MDN1: variants seen among roughly 807,000 people sequenced by gnomAD.
MDN1 encodes the protein midasin AAA ATPase 1.
In MDN1, 266 loss-of-function variants were observed where a neutral mutation model predicts 669.2. The ratio of observed to expected loss-of-function variants is 0.40; its 90% CI spans 0.36 to 0.44. The LOEUF (loss-of-function observed/expected upper bound fraction) is 0.44. MDN1 is among the 20% of genes least tolerant of loss of function. The probability of loss-of-function intolerance (pLI) is 1.00; values close to 1 mark genes in which losing one functional copy is unlikely to be tolerated. For synonymous variants in MDN1, 2,385 were observed against 2,457.1 expected, an observed-to-expected ratio of 0.97 and a Z score of 0.87; for missense variants, 5,940 against 6,754.0, an observed-to-expected ratio of 0.88 and a Z score of 4.22.
intron 11 of MDN1, among the ~76,000 whole-genome samples, chr6:89,778,801 G>A (rs1818479066): frequency 6.6e-6 from 1 of 151,736 alleles, no homozygotes; most frequent in African/African-American, 2.4e-5. Context: ...CAGGAGAATG[G>A]TGGGAACCTG....
At position 89,714,544 on chromosome 6, in the gene MDN1, T is replaced by C; in HGVS notation, c.7068A>G (p.Val2356=). 1.2e-6 allele frequency: 2 copies of C among 1,600,032 alleles called. No individual in the cohort carries two copies. Among genetic ancestry groups the C allele is most frequent in the Non-Finnish European group, 1.7e-6 (2 of 1,172,968 alleles). ...ALHTETRSTV[V]GSPTSSVSTL... is the part of the protein sequence containing the mutation. Reference sequence around the variant, plus strand: ...AGGCCCAAAAGTCAAGCACCTCACCTACAACAGTGCTCCGGGTCTCTGTGT... The same window carrying C: ...AGGCCCAAAAGTCAAGCACCTCACCCACAACAGTGCTCCGGGTCTCTGTGT... The change falls in exon 46 of 102, where the codon GTA becomes GTG. Residue 2356 remains valine (V), a splice_region_variant and synonymous_variant. Coordinates refer to ENST00000369393, the MANE Select transcript of MDN1 (RefSeq NM_014611.3).
intron 14 of MDN1, 52 bp from the exon 15 acceptor site, chr6:89,771,673 A>C: frequency 6.9e-7 from 1 of 1,444,040 alleles, no homozygotes; most frequent in Non-Finnish European, 9.7e-7. Context: ...AAGACCGATA[A>C]TATCCAGTGT....
At position 89,718,355 on chromosome 6, in the gene MDN1, A is replaced by G; in HGVS notation, c.6583+11T>C. The G allele has an allele frequency of 6.2e-7, 1 of 1,611,380 alleles. No individual in the cohort carries two copies. Among genetic ancestry groups the G allele is most frequent in the Non-Finnish European group, 8.5e-7 (1 of 1,178,870 alleles). On this transcript the variant is annotated intron_variant, in intron 43 of 101. Transcript: ENST00000369393. ...GGTAAGTTCCTGATACAGAGATCCA[A>G]ATATACATACCTGCCTTGCAGTATG...
chr6:89,706,408 T>G (rs2128310908), intron 52 of MDN1, among the ~76,000 whole-genome samples: 1 of 152,350 alleles, frequency 6.6e-6, no homozygotes, highest in South Asian at 2.1e-4. Flanking sequence ...TTTTCAATTT[T>G]TTTTTTTTGA....
rs1310657167 is a variant in MDN1, at chr6:89,701,919, A to T, written c.8291T>A (p.Met2764Lys). 1 of 1,612,368 alleles carries T rather than the reference A, an allele frequency of 6.2e-7. No individual in the cohort carries two copies. The highest frequency in any genetic ancestry group is 1.1e-5 in the South Asian group (1 of 90,714). Residue 2764 changes from methionine (M) to lysine (K), a missense_variant, in exon 54 of 102, where the codon ATG becomes AAG. This residue lies in a region of MDN1 where 2,292 missense variants were observed against 2,638.3 expected (regional missense o/e 0.87). Coordinates refer to ENST00000369393, the MANE Select transcript of MDN1 (RefSeq NM_014611.3). ...HLVHQIPRLL[M>K]NYEDKYYKEV... is the part of the protein sequence containing the mutation. ...TGAATCTTACTTGTCTTCATAATTC[A>T]TCAGAAGTCGGGGGATCTGGTGGAC...
At chr6:89,743,880 C>T (rs914647930) in intron 29 of MDN1, among the ~76,000 whole-genome samples, 166 bp from the exon 30 acceptor site, 2 of 152,078 alleles carry the variant, frequency 1.3e-5, no homozygotes, top group Non-Finnish European at 1.5e-5. Flanking sequence ...CCCCTCTACA[C>T]GACTGCACTC....
intron 15 of MDN1, among the ~76,000 whole-genome samples, chr6:89,764,618 C>T (rs1339265758): frequency 6.6e-6 from 1 of 152,124 alleles, no homozygotes; most frequent in South Asian, 2.1e-4. Flanking sequence ...TTGAGTATCA[C>T]AGTCAGGAAA....
chr6:89,735,261 A>C (rs1815885908), intron 33 of MDN1, among the ~76,000 whole-genome samples: 1 of 152,102 alleles, frequency 6.6e-6, no homozygotes, highest in Non-Finnish European at 1.5e-5. Flanking sequence ...TACATTAACC[A>C]ATGTAATACA....
rs1315761498 is a variant in MDN1 at position 89,674,290 on chromosome 6, G to A, written c.13061C>T (p.Ser4354Phe). 6.2e-7 allele frequency: 1 copy of A among 1,614,252 alleles called. No homozygotes were observed. The highest frequency in any genetic ancestry group is 8.5e-7 in the Non-Finnish European group (1 of 1,180,044). ...TATTGGAGATGGGTAGCTCAGATTG[G>A]AAGGAATTAGGTCCAGCACTACTCC... ...LCGVVLDLIP[S>F]NLSYPSPIPG... Residue 4354 changes from serine (S) to phenylalanine (F), a missense_variant, in exon 79 of 102, where the codon TCC becomes TTC. By Grantham distance (155) the Ser-to-Phe change is radical. Coordinates refer to ENST00000369393, the MANE Select transcript of MDN1 (RefSeq NM_014611.3).
In MDN1 at chr6:89,683,259, C is replaced by T. The variant is rs373994838; in HGVS notation, c.11975G>A (p.Ser3992Asn). ...AAAGTCAGGCTGTTCTTCCTTGTCA[C>T]TCTCCACCAGGGATGACCGGCAGGG... ...SEPCRSSLVE[S>N]DKEEQPDFLP... Residue 3992 changes from serine (S) to asparagine (N), a missense_variant, in exon 73 of 102, where the codon AGT (serine) becomes AAT (asparagine). Transcript: ENST00000369393. 3.2e-5 allele frequency: 51 copies of T among 1,614,080 alleles called. No individual in the cohort carries two copies. The highest frequency in any genetic ancestry group is 2.2e-5 in the East Asian group (1 of 44,896).
At chr6:89,747,952 GA>G (rs1584310964) in intron 26 of MDN1, among the ~76,000 whole-genome samples, 2 of 150,592 alleles carry the variant, frequency 1.3e-5, no homozygotes, top group African/African-American at 4.9e-5. Context: ...ATATTCTGAG[GA>G]AAAATGTTCA....
intron 9 of MDN1, among the ~76,000 whole-genome samples, chr6:89,784,112 T>C (rs1188364409): frequency 6.6e-6 from 1 of 151,958 alleles, no homozygotes; most frequent in Non-Finnish European, 1.5e-5. Context: ...TCAGGTGTTT[T>C]GAGACCAGCC....
chr6:89,656,637 C>T (rs1291116060), intron 91 of MDN1, 63 bp downstream of exon 91: 12 of 1,071,660 alleles, frequency 1.1e-5, no homozygotes, highest in African/African-American at 5.0e-5. Flanking sequence ...TAAAGCACTA[C>T]GTTTGGAACA....
rs78100541 is a variant in MDN1, at chr6:89,732,058, G to T, written c.4942+499C>A. Among the ~76,000 whole-genome samples the T allele has an allele frequency of 5.6e-3, 842 of 151,674 alleles. 4 individuals carry two copies. Among genetic ancestry groups the T allele is most frequent in the Non-Finnish European group, 0.01 (686 of 67,908 alleles). Reference sequence around the variant, plus strand: ...TACAACCCAACCCCGGCCAATAAAAGAAAAATACAAAAACAAAACTTGCAT... The same window carrying T: ...TACAACCCAACCCCGGCCAATAAAATAAAAATACAAAAACAAAACTTGCAT... On this transcript the variant is annotated intron_variant, in intron 34 of 101. Coordinates refer to ENST00000369393, the MANE Select transcript of MDN1 (RefSeq NM_014611.3).
At chr6:89,747,601 T>TA in intron 26 of MDN1, 131 bp from the exon 27 acceptor site, 1 of 1,131,190 alleles carries the variant, frequency 8.8e-7, no homozygotes, top group Non-Finnish European at 1.2e-6. Context: ...TGAATAAGAT[T>TA]AATTTTTTGG....
Position 89,761,656 on chromosome 6 carries a change from C to G in MDN1, c.2449G>C (p.Ala817Pro). Reference sequence around the variant, plus strand: ...AAAAACAGAAATACCTCTACAAATGCGAACAATAAGGTATTTTCAGTCATT... The same window carrying G: ...AAAAACAGAAATACCTCTACAAATGGGAACAATAAGGTATTTTCAGTCATT... The part of the protein sequence containing the change: ...MKMTENTLLF[A>P]FVEGTLAQAV... Residue 817 changes from alanine (A) to proline (P), a missense_variant, in exon 17 of 102, where the codon GCA (alanine) becomes CCA (proline). By Grantham distance (27) the Ala-to-Pro change is conservative (BLOSUM62 -1). Around this residue, in one of 5 missense-constraint regions of MDN1, gnomAD observed 1,203 missense variants for 1,268.9 expected, o/e 0.95. Transcript: ENST00000369393. 6.2e-7 allele frequency: 1 copy of G among 1,606,392 alleles called. No individual in the cohort carries two copies. The highest frequency in any genetic ancestry group is 8.5e-7 in the Non-Finnish European group (1 of 1,175,912).
intron 53 of MDN1, among the ~76,000 whole-genome samples, chr6:89,702,987 G>C (rs1562113828): frequency 6.6e-6 from 1 of 150,678 alleles, no homozygotes; most frequent in Non-Finnish European, 1.5e-5. Context: ...CAAGGCTAGA[G>C]TGCAATGGCG....
chr6:89,691,541 T>G (rs1478543507), intron 63 of MDN1, among the ~76,000 whole-genome samples: 2 of 150,396 alleles, frequency 1.3e-5, no homozygotes, highest in African/African-American at 2.5e-5. Context: ...TTGGTTTTTG[T>G]TTTTTTTTGT....
intron 9 of MDN1, 114 bp from the exon 10 acceptor site, chr6:89,781,706 T>C (rs1818683335): frequency 1.1e-6 from 1 of 869,638 alleles, no homozygotes; most frequent in South Asian, 1.8e-5. Context: ...ATGAAATTTG[T>C]TCACTGGGGG....
Sources: allele counts gnomAD v4.1 joint callset (sites outside exome capture counted in the v4.1 genomes callset), GRCh38; gene constraint gnomAD v4.1.1; regional missense constraint gnomAD v4.1.1; transcripts MANE v1.5; gene names NCBI Gene and HGNC (gene_info 2026-07-23, HGNC 2026-07-21).